Variants in KIAA1328 observed in about 807,000 individuals in gnomAD.
The protein encoded by KIAA1328 is KIAA1328.
In KIAA1328, 52 loss-of-function variants were observed where a neutral mutation model predicts 68.1. That is an observed-to-expected ratio of 0.76 (90% CI 0.61 to 0.96). The LOEUF is 0.96. Among genes scored for constraint, KIAA1328 ranks in the 40% least tolerant of loss-of-function variants. The pLI, the probability that KIAA1328 is intolerant of heterozygous loss-of-function variation, is 0.00. For synonymous variants in KIAA1328, 232 were observed against 239.4 expected (o/e 0.97, Z 0.28); for missense variants, 641 against 677.6 (o/e 0.95, Z 0.60).
At chr18:37,151,020 C>A (rs1270694459) in intron 7 of KIAA1328, among the ~76,000 whole-genome samples, 1 of 152,082 alleles carries the variant, frequency 6.6e-6, no homozygotes, top group Non-Finnish European at 1.5e-5. Flanking sequence ...TCTCAGATAA[C>A]ATGATTGTAT....
At chr18:36,970,333 AC>A (rs1348237043) in intron 6 of KIAA1328, among the ~76,000 whole-genome samples, 1 of 152,190 alleles carries the variant, frequency 6.6e-6, no homozygotes, top group African/African-American at 2.4e-5. Context: ...TTTATGACAA[AC>A]CCACAGCCAA....
chr18:36,893,195 A>C (rs1314253016), intron 5 of KIAA1328, among the ~76,000 whole-genome samples: 1 of 152,056 alleles, frequency 6.6e-6, no homozygotes, highest in Non-Finnish European at 1.5e-5. Flanking sequence ...TTAAGAATAA[A>C]ATGAGGCACT....
chr18:36,942,599 G>A (rs951424700), intron 5 of KIAA1328, among the ~76,000 whole-genome samples: 1 of 152,128 alleles, frequency 6.6e-6, no homozygotes, highest in Non-Finnish European at 1.5e-5. Flanking sequence ...GTGCAGTGTT[G>A]CTTTTGTTTT....
intron 7 of KIAA1328, among the ~76,000 whole-genome samples, chr18:37,133,312 A>G (rs1477673687): frequency 6.6e-6 from 1 of 151,036 alleles, no homozygotes; most frequent in Non-Finnish European, 1.5e-5. Flanking sequence ...AGCCTGGGCA[A>G]TAAGAAAAAA....
At chr18:37,175,910 A>G (rs989066632) in intron 9 of KIAA1328, among the ~76,000 whole-genome samples, 5 of 152,166 alleles carry the variant, frequency 3.3e-5, no homozygotes, top group African/African-American at 1.2e-4. Flanking sequence ...AGTGGGAGAC[A>G]GGTTTTCCTT....
chr18:37,040,573 T>C (rs1194771349), intron 6 of KIAA1328, among the ~76,000 whole-genome samples: 9 of 152,040 alleles, frequency 5.9e-5, no homozygotes, highest in African/African-American at 2.2e-4. Context: ...TTTTCTCTAA[T>C]AATTTTTATT....
At chr18:37,138,391 CG>C (rs2058691025) in intron 7 of KIAA1328, among the ~76,000 whole-genome samples, 1 of 152,152 alleles carries the variant, frequency 6.6e-6, no homozygotes, top group African/African-American at 2.4e-5. Flanking sequence ...TAGTGCTCCT[CG>C]GGGTGAGACT....
intron 7 of KIAA1328, among the ~76,000 whole-genome samples, chr18:37,122,890 T>C (rs1390751039): frequency 6.6e-6 from 1 of 152,124 alleles, no homozygotes; most frequent in Non-Finnish European, 1.5e-5. Context: ...TTTGTGTTTC[T>C]AGCTGATTTT....
intron 5 of KIAA1328, among the ~76,000 whole-genome samples, chr18:36,918,620 G>T (rs1425702654): frequency 6.6e-6 from 1 of 151,940 alleles, no homozygotes; most frequent in Non-Finnish European, 1.5e-5. Context: ...TCACCATGTG[G>T]GCCAGGCTGG....
chr18:36,983,067 G>A (rs556124701), intron 6 of KIAA1328, among the ~76,000 whole-genome samples: 16 of 152,052 alleles, frequency 1.1e-4, no homozygotes, highest in African/African-American at 3.6e-4. Flanking sequence ...GAAAGCGCTT[G>A]CAATAGATGG....
intron 5 of KIAA1328, among the ~76,000 whole-genome samples, chr18:36,910,809 T>C (rs2151069742): frequency 6.6e-6 from 1 of 152,228 alleles, no homozygotes; most frequent in African/African-American, 2.4e-5. Flanking sequence ...TGAGCAGTGG[T>C]TTGTAGTTCT....
intron 7 of KIAA1328, among the ~76,000 whole-genome samples, chr18:37,085,153 A>G (rs908618032): frequency 6.6e-6 from 1 of 152,104 alleles, no homozygotes; most frequent in Non-Finnish European, 1.5e-5. Context: ...TTGGAATAGC[A>G]GGATCTCACC....
chr18:37,200,831 A>C (rs1008473259), intron 9 of KIAA1328, among the ~76,000 whole-genome samples: 36 of 151,942 alleles, frequency 2.4e-4, no homozygotes, highest in African/African-American at 8.0e-4. Context: ...AAAAAAAAAA[A>C]AAAAAGGAGC....
intron 9 of KIAA1328, among the ~76,000 whole-genome samples, chr18:37,213,196 C>T (rs185792165): frequency 1.0e-3 from 152 of 152,236 alleles, no homozygotes; most frequent in African/African-American, 3.5e-3. Context: ...ATGTGCACAA[C>T]GTGCAAGTTT....
intron 8 of KIAA1328, among the ~76,000 whole-genome samples, chr18:37,172,652 G>A (rs1041361806): frequency 6.6e-6 from 1 of 152,174 alleles, no homozygotes; most frequent in African/African-American, 2.4e-5. Flanking sequence ...GTTAAAGGGA[G>A]CAAAATAAAA....
intron 6 of KIAA1328, among the ~76,000 whole-genome samples, chr18:36,976,652 C>T (rs147661945): frequency 3.0e-4 from 45 of 151,700 alleles, no homozygotes; most frequent in African/African-American, 9.9e-4. Flanking sequence ...TATTATATTA[C>T]AATTGTTATA....
At chr18:36,856,273 C>G (rs1240210592) in intron 4 of KIAA1328, among the ~76,000 whole-genome samples, 1 of 151,544 alleles carries the variant, frequency 6.6e-6, no homozygotes, top group Non-Finnish European at 1.5e-5. Context: ...GCCTTTTTGC[C>G]TTTCTTTCTC....
intron 8 of KIAA1328, among the ~76,000 whole-genome samples, chr18:37,170,900 G>A (rs79079637): frequency 0.021 from 3,208 of 152,106 alleles, 121 homozygotes; most frequent in African/African-American, 0.073. Flanking sequence ...ATAGAGAGGG[G>A]GCTAGGACCA....
At chr18:36,990,434 G>T (rs2053127481) in intron 6 of KIAA1328, among the ~76,000 whole-genome samples, 1 of 151,958 alleles carries the variant, frequency 6.6e-6, no homozygotes, top group Non-Finnish European at 1.5e-5. Flanking sequence ...CAACACTTTG[G>T]GAGGCTGAGG....
Sources: gnomAD v4.1 joint callset for allele counts (sites outside exome capture counted in the v4.1 genomes callset) on GRCh38, gnomAD v4.1.1 for gene constraint, MANE v1.5 for transcripts, NCBI Gene and HGNC (gene_info 2026-07-23, HGNC 2026-07-21) for gene names.